The following NKTR variants were observed in gnomAD, a reference collection of about 807,000 sequenced individuals.
NKTR encodes the protein natural killer cell triggering receptor.
Under a neutral mutation model 156.3 loss-of-function variants are expected in NKTR, and 67 were observed. The observed-to-expected ratio is 0.43, with a 90% CI of 0.35 to 0.53. NKTR has a LOEUF of 0.53. Ranked by LOEUF, NKTR falls within the 20% of genes least tolerant of loss-of-function variation. NKTR has a pLI of 0.01. For synonymous variants in NKTR, 640 were observed against 596.6 expected (o/e 1.07, Z -1.06); for missense variants, 1,604 against 1,730.9 (o/e 0.93, Z 1.30).
At chr3:42,634,742 A>C in intron 11 of NKTR, 42 bp downstream of exon 11, 1 of 1,105,070 alleles carries the variant, frequency 9.0e-7, no homozygotes, top group South Asian at 1.4e-5. Flanking sequence ...GTATCTAATA[A>C]AAAATTTTTA....
At position 42,637,938 on chromosome 3, in the gene NKTR, C is replaced by T. The variant is rs765538785; in HGVS notation, c.2234C>T (p.Thr745Ile). The change falls in exon 13 of 17, where the codon ACT (threonine) becomes ATT (isoleucine). Residue 745 changes from threonine (T) to isoleucine (I), a missense_variant. Physicochemically the swap from Thr to Ile is moderately conservative, Grantham distance 89. Transcript: ENST00000232978. The part of the protein sequence containing the change: ...HSQCSRSSSY[T>I]SISSDDGRRA... Reference sequence around the variant, plus strand: ...CAGTGTAGTAGATCATCTTCATATACTTCTATTAGCAGTGATGATGGAAGG... The same window carrying T: ...CAGTGTAGTAGATCATCTTCATATATTTCTATTAGCAGTGATGATGGAAGG... 1.9e-6 allele frequency: 3 copies of T among 1,613,634 alleles called. No homozygotes were observed. In the East Asian group the frequency reaches 6.7e-5, roughly 36 times the overall value.
In NKTR at chr3:42,647,146, G is replaced by A. The variant is rs772300797; in HGVS notation, c.*1171G>A. ...CACTGTGACCTGCAGCTGACTCAAA[G>A]CCTTGCGTGACCTGACCCAGGTGCA... On this transcript the variant is annotated 3_prime_UTR_variant, in exon 17 of 17. Transcript: ENST00000232978. 1 of 152,158 alleles carries A rather than the reference G, an allele frequency of 6.6e-6. No individual in the cohort carries two copies. The highest frequency in any genetic ancestry group is 6.5e-5 in the Admixed American group (1 of 15,284). 9.4% of individuals were successfully genotyped at this position (152,158 alleles called of 1,614,324 possible). A position where few individuals can be genotyped will look rare whatever the true frequency, so the allele number is the denominator to read the frequency against.
intron 5 of NKTR, 172 bp downstream of exon 5, chr3:42,619,880 T>C: frequency 2.1e-6 from 3 of 1,412,230 alleles, no homozygotes; most frequent in Non-Finnish European, 2.8e-6. Context: ...TTGTAATATA[T>C]AATTTTTAAT....
intron 10 of NKTR, among the ~76,000 whole-genome samples, chr3:42,634,374 T>G (rs575670297): frequency 6.6e-6 from 1 of 152,366 alleles, no homozygotes. Context: ...AAGTTCCCTA[T>G]GAAGAGTTAT....
At chr3:42,643,071 G>A (rs111756092) in intron 14 of NKTR, among the ~76,000 whole-genome samples, 1 of 152,172 alleles carries the variant, frequency 6.6e-6, no homozygotes. Flanking sequence ...GGTCCTACCT[G>A]TACAGACCTT....
chr3:42,605,365 A>G (rs1330942893), intron 2 of NKTR, among the ~76,000 whole-genome samples: 2 of 152,230 alleles, frequency 1.3e-5, no homozygotes, highest in African/African-American at 4.8e-5. Flanking sequence ...GATTTGCTTT[A>G]CTGCTTAAGA....
In NKTR at chr3:42,638,076, G is replaced by A; in HGVS notation, c.2372G>A (p.Arg791Lys). ...AGTAAATATGTCAAAGGTAGAGACAGGTCTTCATGTGTGAGAAAGTATAGC... is the reference window on the plus strand; with the variant it reads ...AGTAAATATGTCAAAGGTAGAGACAAGTCTTCATGTGTGAGAAAGTATAGC... ...LHSKYVKGRD[R>K]SSCVRKYSES... Residue 791 changes from arginine (R) to lysine (K), a missense_variant, in exon 13 of 17, where the codon AGG becomes AAG. Physicochemically the swap from Arg to Lys is conservative, Grantham distance 26. Transcript: ENST00000232978. 1.2e-6 allele frequency: 2 copies of A among 1,614,138 alleles called. No individual in the cohort carries two copies. Among genetic ancestry groups the A allele is most frequent in the East Asian group, 2.2e-5 (1 of 44,890 alleles).
chr3:42,632,171 G>T (rs1245884391), intron 8 of NKTR, among the ~76,000 whole-genome samples: 1 of 149,798 alleles, frequency 6.7e-6, no homozygotes. Flanking sequence ...CTGGGTTCAG[G>T]TGATTCTCCT....
At position 42,605,460 on chromosome 3, in the gene NKTR, C is replaced by T. The variant is rs555135522; in HGVS notation, c.58+4396C>T. Among the ~76,000 whole-genome samples the T allele has an allele frequency of 4.6e-5, 7 of 152,242 alleles. No individual in the cohort carries two copies. The East Asian group carries it at 9.6e-4, about 21-fold the overall frequency. Reference sequence around the variant, plus strand: ...ATACCAAGAAATTAGTCTTAAGAGGCGACAAAGGATTCAGGCAAATGTTTG... The same window carrying T: ...ATACCAAGAAATTAGTCTTAAGAGGTGACAAAGGATTCAGGCAAATGTTTG... On this transcript the variant is annotated intron_variant, in intron 2 of 16. Transcript: ENST00000232978.
rs553850815 is a variant in NKTR, at chr3:42,644,017, C to T, written c.4301+14C>T. ...TCGGCGGTCCAGGTGGGTCTCTCTC[C>T]TTTATCGTCCTTTATCGCACTGTAG... On this transcript the variant is annotated intron_variant, in intron 16 of 16. Transcript: ENST00000232978. 4.5e-6 allele frequency: 7 copies of T among 1,566,132 alleles called. No individual in the cohort carries two copies. In the East Asian group the frequency reaches 1.6e-4, roughly 35 times the overall value.
chr3:42,627,356 T>G, intron 6 of NKTR: 1 of 985,616 alleles, frequency 1.0e-6, no homozygotes, highest in Non-Finnish European at 1.2e-6. Flanking sequence ...GCAGTACATG[T>G]AAAACAAGTG....
intron 7 of NKTR, 125 bp from the exon 8 acceptor site, chr3:42,631,046 T>TA: frequency 6.9e-7 from 1 of 1,446,572 alleles, no homozygotes; most frequent in Non-Finnish European, 9.1e-7. Context: ...AGTTGCTTCA[T>TA]ACAACAAACA....
chr3:42,634,619 T>A lies in NKTR; in HGVS notation c.936T>A (p.Ile312=). 1.3e-6 allele frequency: 2 copies of A among 1,551,854 alleles called. No individual in the cohort carries two copies. Among genetic ancestry groups the A allele is most frequent in the Non-Finnish European group, 1.7e-6 (2 of 1,145,848 alleles). Residue 312 remains isoleucine, a synonymous_variant, in exon 11 of 17, where the codon ATT becomes ATA. Coordinates refer to ENST00000232978, the MANE Select transcript of NKTR (RefSeq NM_005385.4). ...PVVTAEPEPK[I]PDVAPIVSDQ... ...CACAATCTTCTTTTCCTAGGAAGAT[T>A]CCTGATGTTGCACCCATTGTAAGTG...
chr3:42,629,073 C>A, intron 6 of NKTR: 1 of 939,666 alleles, frequency 1.1e-6, no homozygotes, highest in Non-Finnish European at 1.3e-6. Context: ...AGCTTCTGTA[C>A]CAATTTCTTG....
At chr3:42,631,372 G>A in intron 8 of NKTR, 56 bp downstream of exon 8, 1 of 1,586,094 alleles carries the variant, frequency 6.3e-7, no homozygotes, top group Non-Finnish European at 8.6e-7. Context: ...CATTGCTGAA[G>A]ACTGTAACTA....
rs780912256 is a variant in NKTR, at chr3:42,632,664, C to T, written c.614C>T (p.Ser205Phe). Residue 205 changes from serine (S) to phenylalanine (F), a missense_variant, in exon 9 of 17, where the codon TCC (serine) becomes TTC (phenylalanine). By Grantham distance (155) the Ser-to-Phe change is radical. This residue lies in a region of NKTR where 1,255 missense variants were observed against 1,243.7 expected (regional missense o/e 1.01). Coordinates refer to ENST00000232978, the MANE Select transcript of NKTR (RefSeq NM_005385.4). ...GGCTCGGATTCCTCTTCCAATTCCTCCTCTTCTTCAGAATCATCTTCAGAA... is the reference window on the plus strand; with the variant it reads ...GGCTCGGATTCCTCTTCCAATTCCTTCTCTTCTTCAGAATCATCTTCAGAA... ...SEGSDSSSNS[S>F]SSSESSSESE... 7 of 1,613,968 alleles carry T rather than the reference C, an allele frequency of 4.3e-6. No individual in the cohort carries two copies. The highest frequency in any genetic ancestry group is 1.3e-5 in the African/African-American group (1 of 75,036).
chr3:42,612,730 A>G lies in NKTR; in HGVS notation c.59-4840A>G, dbSNP rs138330631. Among the ~76,000 whole-genome samples the G allele has an allele frequency of 3.3e-3, 504 of 152,272 alleles. 24 individuals carry two copies. In the East Asian group the frequency reaches 0.092, roughly 28 times the overall value. ...TCACAGCCTATTCCTTAAAAATGGTAGACTGTGCTCAGTTGTCTCCAGTTT... is the reference window on the plus strand; with the variant it reads ...TCACAGCCTATTCCTTAAAAATGGTGGACTGTGCTCAGTTGTCTCCAGTTT... On this transcript the variant is annotated intron_variant, in intron 2 of 16. Coordinates refer to ENST00000232978, the MANE Select transcript of NKTR (RefSeq NM_005385.4).
At chr3:42,615,579 G>GA (rs1427327878) in intron 2 of NKTR, among the ~76,000 whole-genome samples, 7 of 151,886 alleles carry the variant, frequency 4.6e-5, no homozygotes, top group Non-Finnish European at 7.4e-5. Flanking sequence ...ACAAGATTTT[G>GA]AAAAAAACAA....
rs139345276 is a variant in NKTR at position 42,644,226 on chromosome 3, C to T, written c.4301+223C>T. Among the ~76,000 whole-genome samples the T allele has an allele frequency of 9.1e-3, 1,379 of 152,252 alleles. 20 individuals are homozygous for T. Among genetic ancestry groups the T allele is most frequent in the African/African-American group, 0.031 (1,298 of 41,546 alleles). On this transcript the variant is annotated intron_variant, in intron 16 of 16. Coordinates refer to ENST00000232978, the MANE Select transcript of NKTR (RefSeq NM_005385.4). ...TGTTGGTTATTATTAATGTTTGAAT[C>T]TAAAATGGGTTTCTAAATATTCACA...
Sources: allele counts gnomAD v4.1 joint callset (sites outside exome capture counted in the v4.1 genomes callset), GRCh38; gene constraint gnomAD v4.1.1; regional missense constraint gnomAD v4.1.1; transcripts MANE v1.5; gene names NCBI Gene and HGNC (gene_info 2026-07-23, HGNC 2026-07-21).